Variants in CELF4 observed in about 807,000 individuals in gnomAD.
CELF4 encodes the protein CUG-BP- and ETR-3-like factor 4.
Under a neutral mutation model 59.9 loss-of-function variants are expected in CELF4, and 18 were observed. The ratio of observed to expected loss-of-function variants is 0.30; its 90% CI spans 0.21 to 0.45. The LOEUF is 0.45. Among genes scored for constraint, CELF4 ranks in the 20% least tolerant of loss-of-function variants. The probability of loss-of-function intolerance (pLI) is 1.00; values close to 1 mark genes in which losing one functional copy is unlikely to be tolerated. For synonymous variants in CELF4, 261 were observed against 267.1 expected (o/e 0.98, Z 0.22); for missense variants, 456 against 689.0 (o/e 0.66, Z 3.79).
intron 2 of CELF4, among the ~76,000 whole-genome samples, chr18:37,345,473 C>A (rs1218480632): frequency 6.6e-6 from 1 of 151,910 alleles, no homozygotes; most frequent in Admixed American, 6.6e-5. Flanking sequence ...GACACAGGCT[C>A]CCCTAAGGGA....
intron 2 of CELF4, among the ~76,000 whole-genome samples, chr18:37,341,746 C>G (rs1486774855): frequency 6.6e-6 from 1 of 152,122 alleles, no homozygotes; most frequent in Non-Finnish European, 1.5e-5. Flanking sequence ...CCTTTTGACT[C>G]TAGGAGTGTA....
At chr18:37,326,530 G>A (rs1369337378) in intron 2 of CELF4, among the ~76,000 whole-genome samples, 6 of 152,162 alleles carry the variant, frequency 3.9e-5, no homozygotes, top group Admixed American at 3.9e-4. Context: ...TCCCCATGGA[G>A]GCCCTGTGGC....
chr18:37,416,195 C>CATCT (rs397696075), intron 2 of CELF4, among the ~76,000 whole-genome samples: 11 of 150,708 alleles, frequency 7.3e-5, no homozygotes, highest in Admixed American at 3.3e-4. Context: ...TCCATCCATC[C>CATCT]GTCCATCCAT....
rs973197959 is a variant in CELF4 at position 37,563,100 on chromosome 18, G to A, written c.286+2256C>T. On this transcript the variant is annotated intron_variant, in intron 1 of 12. Transcript: ENST00000420428. ...AAAATATATGTAATATATGTATTAC[G>A]TATATATTATATATATAATCATAAC... 1.0e-4 allele frequency among the ~76,000 whole-genome samples: 15 copies of A among 150,272 alleles called. No homozygotes were observed. The South Asian group carries it at 1.0e-3, about 10-fold the overall frequency.
rs561464294 is a variant in CELF4, at chr18:37,243,186, C to CTTTTTTTTTT, written c.*2046_*2055dup. ...TGTTTTCTTTTTTTTTTCTTTTTTT[C>CTTTTTTTTTT]TTTTTTTTTTTTTTTTTTTTACATC... On this transcript the variant is annotated 3_prime_UTR_variant, in exon 13 of 13. Coordinates refer to ENST00000420428, the MANE Select transcript of CELF4 (RefSeq NM_020180.4). The CTTTTTTTTTT allele has an allele frequency of 7.3e-3, 731 of 100,434 alleles. No individual in the cohort carries two copies. The highest frequency in any genetic ancestry group is 9.2e-3 in the Non-Finnish European group (479 of 52,122). 6.2% of individuals were successfully genotyped at this position (100,434 alleles called of 1,614,324 possible). A position where few individuals can be genotyped will look rare whatever the true frequency, so the allele number is the denominator to read the frequency against.
chr18:37,490,776 T>C (rs1034359617), intron 1 of CELF4, among the ~76,000 whole-genome samples: 12 of 152,152 alleles, frequency 7.9e-5, no homozygotes, highest in African/African-American at 2.9e-4. Context: ...TGTGCGACTC[T>C]GACGGGACAT....
intron 3 of CELF4, among the ~76,000 whole-genome samples, chr18:37,319,381 C>T (rs1341285899): frequency 1.3e-5 from 2 of 152,212 alleles, no homozygotes; most frequent in Non-Finnish European, 2.9e-5. Context: ...GTCCTTAGGA[C>T]CAGAGCACTC....
intron 2 of CELF4, 69 bp downstream of exon 2, chr18:37,485,456 C>T (rs2099879179): frequency 9.8e-7 from 1 of 1,022,416 alleles, no homozygotes; most frequent in Non-Finnish European, 1.2e-6. Context: ...CGCCGCGCCG[C>T]CGCCCGGCCT....
chr18:37,513,952 G>A (rs1301771211), intron 1 of CELF4, among the ~76,000 whole-genome samples: 1 of 76,910 alleles, frequency 1.3e-5, no homozygotes. Context: ...GTGTGTGTGT[G>A]TGTGTGTGTG....
At chr18:37,369,957 C>A (rs1240799726) in intron 2 of CELF4, among the ~76,000 whole-genome samples, 1 of 152,220 alleles carries the variant, frequency 6.6e-6, no homozygotes, top group Non-Finnish European at 1.5e-5. Flanking sequence ...CTGCAGAAAG[C>A]CGAAACGCCC....
At chr18:37,547,969 G>A (rs773184251) in intron 1 of CELF4, among the ~76,000 whole-genome samples, 3 of 152,108 alleles carry the variant, frequency 2.0e-5, no homozygotes, top group Non-Finnish European at 4.4e-5. Context: ...CTGCATTTTT[G>A]AGTGTGTGTG....
At chr18:37,532,987 A>G (rs186039218) in intron 1 of CELF4, among the ~76,000 whole-genome samples, 1 of 152,336 alleles carries the variant, frequency 6.6e-6, no homozygotes, top group East Asian at 1.9e-4. Context: ...TTATCTGGAT[A>G]TCTCTCATGG....
At chr18:37,391,776 A>T (rs769939643) in intron 2 of CELF4, among the ~76,000 whole-genome samples, 32 of 152,222 alleles carry the variant, frequency 2.1e-4, no homozygotes, top group Non-Finnish European at 5.9e-5. Flanking sequence ...ATGGCAGGAC[A>T]CTGAGTGTCT....
At chr18:37,264,508 G>A (rs757058911) in intron 10 of CELF4, among the ~76,000 whole-genome samples, 166 bp downstream of exon 10, 5 of 152,238 alleles carry the variant, frequency 3.3e-5, no homozygotes, top group Non-Finnish European at 7.3e-5. Context: ...CCTTAAGTTG[G>A]AGAGCGCCAC....
At chr18:37,472,184 G>T (rs562553127) in intron 2 of CELF4, among the ~76,000 whole-genome samples, 1 of 152,254 alleles carries the variant, frequency 6.6e-6, no homozygotes, top group Non-Finnish European at 1.5e-5. Flanking sequence ...GGGCATGAAG[G>T]TGGTGATCTT....
intron 1 of CELF4, among the ~76,000 whole-genome samples, chr18:37,527,173 C>G (rs1029755971): frequency 2.6e-5 from 4 of 151,918 alleles, no homozygotes; most frequent in Non-Finnish European, 5.9e-5. Flanking sequence ...AAGAAAACAG[C>G]AAGCCCTGTG....
chr18:37,458,118 G>C (rs973634950), intron 2 of CELF4, among the ~76,000 whole-genome samples: 13 of 152,174 alleles, frequency 8.5e-5, no homozygotes, highest in African/African-American at 3.1e-4. Flanking sequence ...AGGATATTTT[G>C]AGCAAGGAGC....
At chr18:37,406,621 G>A (rs1478339464) in intron 2 of CELF4, among the ~76,000 whole-genome samples, 1 of 152,188 alleles carries the variant, frequency 6.6e-6, no homozygotes, top group Non-Finnish European at 1.5e-5. Flanking sequence ...TGACCCATTT[G>A]TTACCCAAGC....
chr18:37,392,182 T>C (rs2099169904), intron 2 of CELF4, among the ~76,000 whole-genome samples: 1 of 152,110 alleles, frequency 6.6e-6, no homozygotes, highest in African/African-American at 2.4e-5. Flanking sequence ...AAGAACAAGC[T>C]AGTTCTGGGG....
Sources: gnomAD v4.1 joint callset for allele counts (sites outside exome capture counted in the v4.1 genomes callset) on GRCh38, gnomAD v4.1.1 for gene constraint, MANE v1.5 for transcripts, NCBI Gene and HGNC (gene_info 2026-07-23, HGNC 2026-07-21) for gene names.